CD247: variants seen among roughly 807,000 people sequenced by gnomAD.
CD247 encodes CD247 molecule, also known as T-cell surface glycoprotein CD3 zeta chain.
CD247 carries 13 observed loss-of-function variants against 30.0 expected under a neutral mutation model. The ratio of observed to expected loss-of-function variants is 0.43; its 90% CI spans 0.28 to 0.69. The LOEUF is 0.69. Ranked by LOEUF, CD247 falls within the 30% of genes least tolerant of loss-of-function variation. The pLI is 0.16. For missense variants in CD247, 193 were observed against 212.6 expected (o/e 0.91, Z 0.57); for synonymous variants, 72 against 80.0 (o/e 0.90, Z 0.53).
intron 1 of CD247, among the ~76,000 whole-genome samples, chr1:167,489,611 G>A (rs937711132): frequency 2.2e-4 from 33 of 152,172 alleles, no homozygotes; most frequent in African/African-American, 7.7e-4. Flanking sequence ...GTGACATAGC[G>A]CAGGGACTTG....
At chr1:167,435,370 A>T in intron 5 of CD247, 29 bp downstream of exon 5, 1 of 1,580,192 alleles carries the variant, frequency 6.3e-7, no homozygotes, top group Non-Finnish European at 8.7e-7. Flanking sequence ...CAACTTTCCA[A>T]GGTCAAATGT....
At chr1:167,477,238 G>C (rs944651884) in intron 1 of CD247, among the ~76,000 whole-genome samples, 1 of 152,214 alleles carries the variant, frequency 6.6e-6, no homozygotes, top group South Asian at 2.1e-4. Flanking sequence ...AGAGAAAATA[G>C]GAGCGGCTGG....
In CD247 at chr1:167,494,528, G is replaced by A. The variant is rs529442379; in HGVS notation, c.58+23880C>T. 4.6e-5 allele frequency among the ~76,000 whole-genome samples: 7 copies of A among 152,264 alleles called. No individual in the cohort carries two copies. Among genetic ancestry groups the A allele is most frequent in the African/African-American group, 1.7e-4 (7 of 41,548 alleles). On this transcript the variant is annotated intron_variant, in intron 1 of 7. Coordinates refer to ENST00000362089, the MANE Select transcript of CD247 (RefSeq NM_198053.3). The surrounding 1 kb of genome is among the most constrained non-coding windows in gnomAD (Gnocchi z 7.3). The stretch of plus-strand genomic sequence containing the variant: ...GTCCTCACCCTGTCGACCTCATGGG[G>A]CTGCTGTGAGGGTCAGATGAGAAAA...
At chr1:167,486,388 C>T (rs948482686) in intron 1 of CD247, among the ~76,000 whole-genome samples, 3 of 152,128 alleles carry the variant, frequency 2.0e-5, no homozygotes, top group African/African-American at 2.4e-5. Context: ...GGAGCAAAAT[C>T]GAGGGACTGG....
chr1:167,434,090 C>G lies in CD247; in HGVS notation c.337-14G>C. The G allele has an allele frequency of 6.2e-7, 1 of 1,612,684 alleles. No individual in the cohort carries two copies. Among genetic ancestry groups the G allele is most frequent in the Non-Finnish European group, 8.5e-7 (1 of 1,178,652 alleles). Reference sequence around the variant, plus strand: ...TTTCTGCAGTTCCTGCAGAAGAGGGCGTGGAACACTGATTTTTACCAACTA... The same window carrying G: ...TTTCTGCAGTTCCTGCAGAAGAGGGGGTGGAACACTGATTTTTACCAACTA... On this transcript the variant is annotated splice_polypyrimidine_tract_variant and intron_variant, in intron 5 of 7. Coordinates refer to ENST00000362089, the MANE Select transcript of CD247 (RefSeq NM_198053.3).
At chr1:167,503,033 A>T (rs1352345420) in intron 1 of CD247, among the ~76,000 whole-genome samples, 2 of 152,180 alleles carry the variant, frequency 1.3e-5, no homozygotes, top group Non-Finnish European at 2.9e-5. Flanking sequence ...AGAACATGGG[A>T]AGTGAGGCAG....
chr1:167,513,146 A>G (rs543001828), intron 1 of CD247, among the ~76,000 whole-genome samples: 63 of 152,366 alleles, frequency 4.1e-4, no homozygotes, highest in Non-Finnish European at 7.8e-4. Flanking sequence ...AATACGATGC[A>G]TGGATGCTAT....
At chr1:167,450,911 CAA>C (rs35555237) in intron 1 of CD247, among the ~76,000 whole-genome samples, 477 of 116,478 alleles carry the variant, frequency 4.1e-3, no homozygotes, top group Non-Finnish European at 4.9e-3. Context: ...GCATCTGTCT[CAA>C]AAAAAAAAAA....
chr1:167,473,452 G>A (rs1653617131), intron 1 of CD247, among the ~76,000 whole-genome samples: 1 of 152,124 alleles, frequency 6.6e-6, no homozygotes, highest in Non-Finnish European at 1.5e-5. Flanking sequence ...ATTTAGCCGC[G>A]CTCACAGCCA....
At chr1:167,478,331 C>T (rs1212941949) in intron 1 of CD247, among the ~76,000 whole-genome samples, 4 of 152,190 alleles carry the variant, frequency 2.6e-5, no homozygotes, top group Non-Finnish European at 5.9e-5. Flanking sequence ...CCAGACCTGC[C>T]TGAGTACCTA....
In CD247 at chr1:167,472,571, C is replaced by G. The variant is rs147008187; in HGVS notation, c.59-31804G>C. 4.7e-3 allele frequency among the ~76,000 whole-genome samples: 712 copies of G among 151,572 alleles called. 8 individuals are homozygous for G. The highest frequency in any genetic ancestry group is 5.8e-3 in the Non-Finnish European group (395 of 67,886). ...TTTTTTTTCAAGGGGACAGTAACAA[C>G]GAAGCGAAGAATTCTGTTTCATAGC... On this transcript the variant is annotated intron_variant, in intron 1 of 7. Coordinates refer to ENST00000362089, the MANE Select transcript of CD247 (RefSeq NM_198053.3).
intron 1 of CD247, among the ~76,000 whole-genome samples, chr1:167,505,557 G>A (rs1367711199): frequency 6.6e-6 from 1 of 152,236 alleles, no homozygotes; most frequent in Non-Finnish European, 1.5e-5. Context: ...AGCTCATGTG[G>A]GGCAAGGCAC....
At chr1:167,508,541 A>G (rs1044794998) in intron 1 of CD247, among the ~76,000 whole-genome samples, 6 of 152,226 alleles carry the variant, frequency 3.9e-5, no homozygotes, top group African/African-American at 9.6e-5. Context: ...ATTGTTCCCA[A>G]TGAAACCCAA....
intron 1 of CD247, among the ~76,000 whole-genome samples, chr1:167,478,236 G>C (rs1653832648): frequency 6.6e-6 from 1 of 152,236 alleles, no homozygotes; most frequent in South Asian, 2.1e-4. Context: ...CACAGATGGA[G>C]AGGCTGACCC....
intron 1 of CD247, among the ~76,000 whole-genome samples, chr1:167,504,369 G>T (rs377625511): frequency 6.6e-6 from 1 of 152,210 alleles, no homozygotes; most frequent in Non-Finnish European, 1.5e-5. Context: ...TAATGCAGCC[G>T]CTGACATACA....
At position 167,467,078 on chromosome 1, in the gene CD247, T is replaced by C. The variant is rs893943079; in HGVS notation, c.59-26311A>G. Among the ~76,000 whole-genome samples, 6 of 152,216 alleles carry C rather than the reference T, an allele frequency of 3.9e-5. No homozygotes were observed. In the South Asian group the frequency reaches 8.3e-4, roughly 21 times the overall value. ...TGGTCTCGATTTCCTGACCTCGTGATCCGCCCGCCTTGGCCTCCCAAAGTG... is the reference window on the plus strand; with the variant it reads ...TGGTCTCGATTTCCTGACCTCGTGACCCGCCCGCCTTGGCCTCCCAAAGTG... On this transcript the variant is annotated intron_variant, in intron 1 of 7. Transcript: ENST00000362089.
chr1:167,452,762 T>C (rs1429289986), intron 1 of CD247, among the ~76,000 whole-genome samples: 1 of 151,990 alleles, frequency 6.6e-6, no homozygotes, highest in Admixed American at 6.6e-5. Flanking sequence ...GTGATCTCCT[T>C]TGGTGAGCAG....
intron 1 of CD247, among the ~76,000 whole-genome samples, chr1:167,476,195 C>T (rs1435162358): frequency 6.6e-6 from 1 of 152,084 alleles, no homozygotes; most frequent in Non-Finnish European, 1.5e-5. Flanking sequence ...TGAAATGGCG[C>T]CTTTCTTGGG....
chr1:167,456,900 G>A (rs1652703061), intron 1 of CD247, among the ~76,000 whole-genome samples: 1 of 152,196 alleles, frequency 6.6e-6, no homozygotes, highest in Non-Finnish European at 1.5e-5. Flanking sequence ...TCATGTTAAT[G>A]TGTACTCTCT....
Sources: allele counts gnomAD v4.1 joint callset (sites outside exome capture counted in the v4.1 genomes callset), GRCh38; gene constraint gnomAD v4.1.1; non-coding constraint Gnocchi (gnomAD v3.1); transcripts MANE v1.5; gene names NCBI Gene and HGNC (gene_info 2026-07-23, HGNC 2026-07-21).